CTNNA1: variants seen among roughly 807,000 people sequenced by gnomAD.
CTNNA1 encodes catenin alpha-1.
Under a neutral mutation model 98.4 loss-of-function variants are expected in CTNNA1, and 37 were observed. That is an observed-to-expected ratio of 0.38 (90% CI 0.29 to 0.49). The LOEUF (loss-of-function observed/expected upper bound fraction) is 0.49. Among genes scored for constraint, CTNNA1 ranks in the 20% least tolerant of loss-of-function variants. CTNNA1 has a pLI of 0.95. For synonymous variants in CTNNA1, 404 were observed against 413.2 expected, an observed-to-expected ratio of 0.98 and a Z score of 0.27; for missense variants, 761 against 1,147.2, an observed-to-expected ratio of 0.66 and a Z score of 4.86.
intron 7 of CTNNA1, among the ~76,000 whole-genome samples, chr5:138,858,600 T>TTTTTCTTTTTCTTTC (rs1554090793): frequency 3.8e-5 from 1 of 26,606 alleles, no homozygotes; most frequent in African/African-American, 2.9e-4. Flanking sequence ...TTTTCTTTTT[T>TTTTTCTTTTTCTTTC]TTTTTTTTTT....
At chr5:138,893,380 C>T (rs376625105) in intron 9 of CTNNA1, among the ~76,000 whole-genome samples, 7 of 152,002 alleles carry the variant, frequency 4.6e-5, no homozygotes, top group South Asian at 4.2e-4. Context: ...TTCCTATCAG[C>T]GTGGATGTGG....
At chr5:138,875,032 T>C in intron 7 of CTNNA1, 1 of 973,636 alleles carries the variant, frequency 1.0e-6, no homozygotes, top group South Asian at 1.4e-5. Context: ...TGTCCCAGGC[T>C]TTCCAAGTAA....
chr5:138,777,062 G>A (rs1456438694), intron 1 of CTNNA1, among the ~76,000 whole-genome samples: 13 of 152,046 alleles, frequency 8.6e-5, no homozygotes, highest in Middle Eastern at 3.4e-3. Flanking sequence ...CTTCCCAGAC[G>A]GGGTGGCTGC....
intron 1 of CTNNA1, among the ~76,000 whole-genome samples, chr5:138,766,203 CTT>C (rs1049986898): frequency 1.3e-5 from 2 of 152,072 alleles, no homozygotes; most frequent in African/African-American, 4.8e-5. Flanking sequence ...TGTTGTGTCT[CTT>C]TGTGAGGCAG....
intron 10 of CTNNA1, among the ~76,000 whole-genome samples, chr5:138,915,606 T>C (rs1761563960): frequency 6.6e-6 from 1 of 152,226 alleles, no homozygotes. Context: ...GAAACGTGTA[T>C]GAGCGTTCAT....
At chr5:138,884,587 G>A (rs939665451) in intron 7 of CTNNA1, among the ~76,000 whole-genome samples, 1 of 152,180 alleles carries the variant, frequency 6.6e-6, no homozygotes, top group Non-Finnish European at 1.5e-5. Flanking sequence ...GTCATGTGAT[G>A]TTATACTAGA....
intron 7 of CTNNA1, among the ~76,000 whole-genome samples, chr5:138,833,010 T>A (rs951905220): frequency 1.3e-5 from 2 of 152,226 alleles, no homozygotes; most frequent in African/African-American, 4.8e-5. Context: ...CTCCGTTTTT[T>A]AAGGCATGTG....
chr5:138,892,484 G>A (rs1264149231), intron 9 of CTNNA1, among the ~76,000 whole-genome samples: 1 of 151,206 alleles, frequency 6.6e-6, no homozygotes, highest in African/African-American at 2.4e-5. Flanking sequence ...GATTACAGGT[G>A]CCTGCTGTCA....
At chr5:138,880,844 G>C (rs1462950596) in intron 7 of CTNNA1, 1 of 333,472 alleles carries the variant, frequency 3.0e-6, no homozygotes, top group Non-Finnish European at 6.0e-6. Context: ...CTATATGCTA[G>C]CACTTAAGGT....
chr5:138,783,454 A>G, intron 3 of CTNNA1, 82 bp downstream of exon 3: 2 of 1,210,162 alleles, frequency 1.7e-6, no homozygotes, highest in South Asian at 3.0e-5. Context: ...TGTGGTCAGT[A>G]TTCTCATTCT....
At chr5:138,878,168 G>T (rs966564949) in intron 7 of CTNNA1, among the ~76,000 whole-genome samples, 7 of 152,170 alleles carry the variant, frequency 4.6e-5, no homozygotes, top group Non-Finnish European at 1.0e-4. Flanking sequence ...ACTAATGCTT[G>T]CAGTATCATG....
chr5:138,767,973 T>C (rs1038574322), intron 1 of CTNNA1, among the ~76,000 whole-genome samples: 1 of 152,234 alleles, frequency 6.6e-6, no homozygotes, highest in Non-Finnish European at 1.5e-5. Flanking sequence ...CCTAGATATA[T>C]TGAATCAGAA....
At chr5:138,764,868 C>CT (rs35354499) in intron 1 of CTNNA1, among the ~76,000 whole-genome samples, 2,707 of 84,858 alleles carry the variant, frequency 0.032, 238 homozygotes, top group East Asian at 0.065. Flanking sequence ...GTATCTCTCT[C>CT]TTTTTTTTTT....
intron 1 of CTNNA1, among the ~76,000 whole-genome samples, chr5:138,764,626 C>T (rs1034673574): frequency 1.3e-5 from 2 of 151,622 alleles, no homozygotes; most frequent in Non-Finnish European, 2.9e-5. Context: ...CATGCACCAC[C>T]ACGCCTGGCT....
At chr5:138,829,360 C>A (rs1320277339) in intron 7 of CTNNA1, among the ~76,000 whole-genome samples, 2 of 152,176 alleles carry the variant, frequency 1.3e-5, no homozygotes, top group African/African-American at 4.8e-5. Context: ...GTGGATCAGT[C>A]ATCTGCTATC....
intron 3 of CTNNA1, among the ~76,000 whole-genome samples, chr5:138,804,527 G>A (rs544167573): frequency 1.3e-5 from 2 of 152,284 alleles, no homozygotes; most frequent in African/African-American, 4.8e-5. Flanking sequence ...GGATTTGCCT[G>A]TTGTGGCAAA....
intron 7 of CTNNA1, among the ~76,000 whole-genome samples, chr5:138,861,379 A>G (rs1421372349): frequency 1.3e-5 from 2 of 152,186 alleles, no homozygotes; most frequent in Admixed American, 6.5e-5. Flanking sequence ...AATAGTTACT[A>G]GTGCCTAATG....
At chr5:138,790,143 C>T (rs1400541058) in intron 3 of CTNNA1, among the ~76,000 whole-genome samples, 1 of 152,130 alleles carries the variant, frequency 6.6e-6, no homozygotes, top group Non-Finnish European at 1.5e-5. Context: ...TGAAATGGAG[C>T]TGTGCAGGAA....
chr5:138,794,253 G>T (rs1756689618), intron 3 of CTNNA1, among the ~76,000 whole-genome samples: 1 of 152,020 alleles, frequency 6.6e-6, no homozygotes, highest in African/African-American at 2.4e-5. Flanking sequence ...CTGACCTCAG[G>T]TGATCGGCCT....
Sources: gnomAD v4.1 joint callset for allele counts (sites outside exome capture counted in the v4.1 genomes callset) on GRCh38, gnomAD v4.1.1 for gene constraint, MANE v1.5 for transcripts, NCBI Gene and HGNC (gene_info 2026-07-23, HGNC 2026-07-21) for gene names.